RBFOX1: variants seen among roughly 807,000 people sequenced by gnomAD.
RBFOX1 encodes the protein RNA binding protein fox-1 homolog 1.
A neutral mutation model predicts 57.7 loss-of-function variants in RBFOX1; 8 were observed. The ratio of observed to expected loss-of-function variants is 0.14; its 90% CI spans 0.08 to 0.25. RBFOX1 has a LOEUF of 0.25. RBFOX1 is among the 10% of genes least tolerant of loss of function. The pLI is 1.00. For synonymous variants in RBFOX1, 326 were observed against 222.4 expected, an observed-to-expected ratio of 1.47 and a Z score of -4.15; for missense variants, 611 against 548.5, an observed-to-expected ratio of 1.11 and a Z score of -1.14.
chr16:5,984,066 C>CT (rs1488445831), intron 4 of RBFOX1, among the ~76,000 whole-genome samples: 2 of 58,354 alleles, frequency 3.4e-5, no homozygotes, highest in African/African-American at 1.7e-4. Context: ...CCTCCTTCTC[C>CT]CTCCCACTCC....
intron 3 of RBFOX1, among the ~76,000 whole-genome samples, chr16:5,815,959 A>G (rs919148217): frequency 7.2e-5 from 11 of 152,154 alleles, no homozygotes; most frequent in African/African-American, 2.2e-4. Context: ...AAAATCCATT[A>G]GGCTTGGTTG....
intron 2 of RBFOX1, among the ~76,000 whole-genome samples, chr16:6,622,383 A>C (rs2098245766): frequency 6.6e-6 from 1 of 152,156 alleles, no homozygotes; most frequent in Non-Finnish European, 1.5e-5. Context: ...GATACGTAGT[A>C]CTTACCTTTT....
At chr16:5,642,341 C>G (rs935244681) in intron 3 of RBFOX1, among the ~76,000 whole-genome samples, 1 of 152,134 alleles carries the variant, frequency 6.6e-6, no homozygotes, top group Non-Finnish European at 1.5e-5. Context: ...TGAAAGCAAT[C>G]CATGCGAGAT....
intron 4 of RBFOX1, among the ~76,000 whole-genome samples, chr16:7,452,629 C>A (rs980935344): frequency 6.6e-6 from 1 of 152,022 alleles, no homozygotes; most frequent in Admixed American, 6.6e-5. Context: ...TGCTGTGGTG[C>A]CAAGGATCTA....
At chr16:6,791,597 A>G (rs182166839) in intron 3 of RBFOX1, among the ~76,000 whole-genome samples, 5 of 152,256 alleles carry the variant, frequency 3.3e-5, no homozygotes, top group East Asian at 1.9e-4. Flanking sequence ...CATCTCTACT[A>G]AAAATACAAA....
At chr16:6,434,226 A>G (rs2094175086) in intron 2 of RBFOX1, among the ~76,000 whole-genome samples, 1 of 152,176 alleles carries the variant, frequency 6.6e-6, no homozygotes, top group Non-Finnish European at 1.5e-5. Flanking sequence ...ATCCCTAATT[A>G]CATAACATCT....
chr16:6,897,843 G>A (rs1363081889), intron 3 of RBFOX1, among the ~76,000 whole-genome samples: 3 of 152,164 alleles, frequency 2.0e-5, no homozygotes, highest in Non-Finnish European at 2.9e-5. Context: ...GAGCCCTGCA[G>A]TTTCTGAGCT....
chr16:6,884,766 C>T (rs1038102148), intron 3 of RBFOX1, among the ~76,000 whole-genome samples: 1 of 152,028 alleles, frequency 6.6e-6, no homozygotes, highest in African/African-American at 2.4e-5. Context: ...GGTGTGATGG[C>T]ACATACCTGC....
intron 1 of RBFOX1, among the ~76,000 whole-genome samples, chr16:5,259,507 G>A (rs1400826239): frequency 6.6e-6 from 1 of 152,162 alleles, no homozygotes; most frequent in East Asian, 1.9e-4. Flanking sequence ...TCTTCCCCTG[G>A]ATTGTAAACT....
chr16:7,699,010 C>G (rs555837038), intron 14 of RBFOX1, among the ~76,000 whole-genome samples: 2 of 152,128 alleles, frequency 1.3e-5, no homozygotes, highest in Non-Finnish European at 2.9e-5. Context: ...GAAGAATGCA[C>G]CAAAGTCACC....
intron 3 of RBFOX1, among the ~76,000 whole-genome samples, chr16:7,001,447 T>C (rs1022445857): frequency 1.4e-5 from 2 of 143,846 alleles, no homozygotes; most frequent in African/African-American, 5.4e-5. Flanking sequence ...TATATGTATA[T>C]GTATATGTAT....
At chr16:7,180,652 C>T (rs769904099) in intron 4 of RBFOX1, among the ~76,000 whole-genome samples, 6 of 150,444 alleles carry the variant, frequency 4.0e-5, no homozygotes, top group Non-Finnish European at 7.4e-5. Flanking sequence ...AAAAGATTTA[C>T]TTGGGGAAAA....
At chr16:6,507,025 C>A (rs987019921) in intron 2 of RBFOX1, among the ~76,000 whole-genome samples, 1 of 152,054 alleles carries the variant, frequency 6.6e-6, no homozygotes, top group Non-Finnish European at 1.5e-5. Flanking sequence ...CTCATGACTG[C>A]TTCCTTTTCA....
chr16:7,523,408 A>AT (rs769047082), intron 5 of RBFOX1, among the ~76,000 whole-genome samples: 4 of 152,166 alleles, frequency 2.6e-5, no homozygotes, highest in African/African-American at 4.8e-5. Context: ...CATTGCCTTC[A>AT]TTTTTTCCAT....
At chr16:6,647,913 C>T (rs8063036) in intron 2 of RBFOX1, among the ~76,000 whole-genome samples, 3,868 of 152,218 alleles carry the variant, frequency 0.025, 178 homozygotes, top group African/African-American at 0.088. Flanking sequence ...GCAATCTCGG[C>T]TTACTGCAAC....
At chr16:6,851,928 T>G (rs1224161046) in intron 3 of RBFOX1, among the ~76,000 whole-genome samples, 1 of 65,686 alleles carries the variant, frequency 1.5e-5, no homozygotes, top group Non-Finnish European at 3.4e-5. Context: ...TCCATTGGGT[T>G]TTTTTTTTTT....
intron 2 of RBFOX1, among the ~76,000 whole-genome samples, chr16:5,523,761 C>G (rs940674798): frequency 1.3e-5 from 2 of 152,186 alleles, no homozygotes; most frequent in African/African-American, 4.8e-5. Context: ...TGTCTATACT[C>G]TTTTTCATAA....
intron 4 of RBFOX1, among the ~76,000 whole-genome samples, chr16:7,055,998 C>G (rs575667084): frequency 6.6e-6 from 1 of 152,262 alleles, no homozygotes; most frequent in African/African-American, 2.4e-5. Flanking sequence ...TAACCTATAT[C>G]CTAACTTTTC....
At chr16:7,407,472 A>C (rs921448171) in intron 4 of RBFOX1, among the ~76,000 whole-genome samples, 1 of 152,096 alleles carries the variant, frequency 6.6e-6, no homozygotes, top group African/African-American at 2.4e-5. Flanking sequence ...ATTCTCAGAC[A>C]GGTATGATTA....
Sources: gnomAD v4.1 joint callset for allele counts (sites outside exome capture counted in the v4.1 genomes callset) on GRCh38, gnomAD v4.1.1 for gene constraint, MANE v1.5 for transcripts, NCBI Gene and HGNC (gene_info 2026-07-23, HGNC 2026-07-21) for gene names.